Variants in SH3TC2 observed in about 807,000 individuals in gnomAD.
The protein encoded by SH3TC2 is SH3 domain and tetratricopeptide repeat-containing protein 2.
A neutral mutation model predicts 124.5 loss-of-function variants in SH3TC2; 87 were observed. The ratio of observed to expected loss-of-function variants is 0.70; its 90% CI spans 0.59 to 0.84. SH3TC2 has a LOEUF of 0.84. SH3TC2 is among the 40% of genes least tolerant of loss of function. SH3TC2 has a pLI of 0.00. For synonymous variants in SH3TC2, 634 were observed against 628.5 expected, an observed-to-expected ratio of 1.01 and a Z score of -0.13; for missense variants, 1,536 against 1,566.4, an observed-to-expected ratio of 0.98 and a Z score of 0.33.
In SH3TC2 at chr5:149,041,419, T is replaced by C. The variant is rs1410503968; in HGVS notation, c.728A>G (p.His243Arg). 6.2e-7 allele frequency: 1 copy of C among 1,612,484 alleles called. No individual in the cohort carries two copies. Among genetic ancestry groups the C allele is most frequent in the Non-Finnish European group, 8.5e-7 (1 of 1,179,956 alleles). Residue 243 changes from histidine (H) to arginine (R), a missense_variant, in exon 6 of 17, where the codon CAC (histidine) becomes CGC (arginine). Physicochemically the swap from His to Arg is conservative, Grantham distance 29. Transcript: ENST00000515425. ...CAGGAGGCAGATGGCTACTCACTGG[T>C]GGAAAGGGAGAGGCAGAGGCTCCAA... ...SALEPLPLPF[H>R]QWFLKNYPGS...
At chr5:149,013,024 T>C (rs1478189444) in intron 12 of SH3TC2, among the ~76,000 whole-genome samples, 2 of 152,180 alleles carry the variant, frequency 1.3e-5, no homozygotes, top group East Asian at 1.9e-4. Context: ...CTTAGAACAG[T>C]GCCTATTACG....
At chr5:149,034,613 C>T (rs1016132752) in intron 8 of SH3TC2, 1 of 222,730 alleles carries the variant, frequency 4.5e-6, no homozygotes, top group Non-Finnish European at 9.3e-6. Flanking sequence ...TTCTCCTACG[C>T]CTCCTTTCTT....
intron 2 of SH3TC2, among the ~76,000 whole-genome samples, chr5:149,050,584 T>C (rs189717040): frequency 1.1e-4 from 17 of 152,240 alleles, no homozygotes; most frequent in Non-Finnish European, 1.6e-4. Flanking sequence ...TAATTCAGGT[T>C]TTTTCAGGGG....
intron 12 of SH3TC2, chr5:149,026,256 C>T: frequency 2.7e-6 from 1 of 372,592 alleles, no homozygotes; most frequent in Non-Finnish European, 5.0e-6. Flanking sequence ...TGAGACCTAT[C>T]TATGTATCAG....
intron 9 of SH3TC2, among the ~76,000 whole-genome samples, 173 bp from the exon 10 acceptor site, chr5:149,028,891 A>G (rs1027828227): frequency 1.4e-4 from 21 of 152,070 alleles, no homozygotes; most frequent in Admixed American, 7.2e-4. Context: ...TAAGAGCTGT[A>G]GGGGCCTAAT....
rs1239627881 is a variant in SH3TC2, at chr5:148,995,977, C to T, written c.*8734G>A. Among the ~76,000 whole-genome samples the T allele has an allele frequency of 2.0e-5, 3 of 151,970 alleles. No homozygotes were observed. The highest frequency in any genetic ancestry group is 2.0e-4 in the Admixed American group (3 of 15,244). ...GACCAACTGGCCGGGTGCCATGGCT[C>T]ACACCTGTTACCCCAGCACTTTGGA... On this transcript the variant is annotated 3_prime_UTR_variant, in exon 17 of 17. Coordinates refer to ENST00000515425, the MANE Select transcript of SH3TC2 (RefSeq NM_024577.4).
At position 149,012,716 on chromosome 5, in the gene SH3TC2, G is replaced by A. The variant is rs1753805247; in HGVS notation, c.3072C>T (p.Leu1024=). 6.2e-7 allele frequency: 1 copy of A among 1,614,118 alleles called. No individual in the cohort carries two copies. The highest frequency in any genetic ancestry group is 8.5e-7 in the Non-Finnish European group (1 of 1,180,024). The change falls in exon 13 of 17, where the codon CTC becomes CTT. Residue 1024 remains leucine, a synonymous_variant. Transcript: ENST00000515425. The part of the protein sequence containing the change: ...LNTARSLRRS[L]TCIKESLRIF... The stretch of plus-strand genomic sequence containing the variant: ...TACGCAGGCTCTCCTTGATGCATGT[G>A]AGTGACCTCCTGAGGGACCTGGGGA...
At position 149,001,588 on chromosome 5, in the gene SH3TC2, CA is replaced by C. The variant is rs1339230612; in HGVS notation, c.*3122del. The C allele has an allele frequency of 1.3e-5, 2 of 152,100 alleles. No individual in the cohort carries two copies. Among genetic ancestry groups the C allele is most frequent in the Admixed American group, 6.5e-5 (1 of 15,284 alleles). 9.4% of individuals were successfully genotyped at this position (152,100 alleles called of 1,614,324 possible). On this transcript the variant is annotated 3_prime_UTR_variant, in exon 17 of 17. Coordinates refer to ENST00000515425, the MANE Select transcript of SH3TC2 (RefSeq NM_024577.4). Reference sequence around the variant, plus strand: ...CAAAGGGAATAGCTGGCCCACATTTCAAAAATGAAAATTTTAAACACTTTTT... The same window carrying C: ...CAAAGGGAATAGCTGGCCCACATTTCAAAATGAAAATTTTAAACACTTTTT...
chr5:149,046,250 G>A (rs1580913257), intron 3 of SH3TC2: 1 of 153,582 alleles, frequency 6.5e-6, no homozygotes, highest in Admixed American at 6.5e-5. Flanking sequence ...ATTAGGGAAG[G>A]GGTGCTAGGT....
intron 8 of SH3TC2, among the ~76,000 whole-genome samples, chr5:149,036,552 A>G (rs1402850453): frequency 6.6e-6 from 1 of 152,054 alleles, no homozygotes; most frequent in Admixed American, 6.5e-5. Flanking sequence ...ATTGGATTTC[A>G]TGTCAGGATT....
chr5:149,049,283 T>A (rs575286849), intron 2 of SH3TC2, among the ~76,000 whole-genome samples: 1 of 152,190 alleles, frequency 6.6e-6, no homozygotes, highest in South Asian at 2.1e-4. Context: ...GGTAGCCTCA[T>A]GGCATGCTGA....
In SH3TC2 at chr5:149,025,250, A is replaced by G. The variant is rs74761192; in HGVS notation, c.3053+1322T>C. On this transcript the variant is annotated intron_variant, in intron 12 of 16. Coordinates refer to ENST00000515425, the MANE Select transcript of SH3TC2 (RefSeq NM_024577.4). The stretch of plus-strand genomic sequence containing the variant: ...CCCTGGGACTGAAGGCAAAGACAGC[A>G]GGAGGTTTGGAGGACACCTGATTCT... Among the ~76,000 whole-genome samples the G allele has an allele frequency of 1.5e-4, 23 of 152,284 alleles. No homozygotes were observed. In the East Asian group the frequency reaches 4.4e-3, roughly 29 times the overall value.
chr5:149,011,519 C>G (rs1258292245), intron 13 of SH3TC2, among the ~76,000 whole-genome samples: 3 of 152,224 alleles, frequency 2.0e-5, no homozygotes, highest in African/African-American at 7.2e-5. Context: ...TCAGCTCCAC[C>G]ACTTACCAGT....
intron 12 of SH3TC2, among the ~76,000 whole-genome samples, chr5:149,015,958 C>T (rs532398900): frequency 6.6e-6 from 1 of 152,308 alleles, no homozygotes; most frequent in Admixed American, 6.5e-5. Flanking sequence ...ATAAAGAAAT[C>T]CAGTAGGATG....
rs1173462840 is a variant in SH3TC2, at chr5:148,996,602, T to G, written c.*8109A>C. Among the ~76,000 whole-genome samples, 6 of 152,216 alleles carry G rather than the reference T, an allele frequency of 3.9e-5. No homozygotes were observed. Among genetic ancestry groups the G allele is most frequent in the African/African-American group, 1.4e-4 (6 of 41,460 alleles). Reference sequence around the variant, plus strand: ...GCTCCCCTGAGGAGGAAAGCAGATGTAGCCATTGTCACTGCTTGCTGTCTG... The same window carrying G: ...GCTCCCCTGAGGAGGAAAGCAGATGGAGCCATTGTCACTGCTTGCTGTCTG... On this transcript the variant is annotated 3_prime_UTR_variant, in exon 17 of 17. Coordinates refer to ENST00000515425, the MANE Select transcript of SH3TC2 (RefSeq NM_024577.4).
Position 149,027,958 on chromosome 5 carries a change from A to G in SH3TC2, c.1774T>C (p.Leu592=). 6.2e-7 allele frequency: 1 copy of G among 1,614,152 alleles called. No individual in the cohort carries two copies. Among genetic ancestry groups the G allele is most frequent in the Non-Finnish European group, 8.5e-7 (1 of 1,180,038 alleles). ...GCCAGCAGGGCACCTGCCTTTTCCAACAGGGCGGAGCCTTTATGTCTCAGC... is the reference window on the plus strand; with the variant it reads ...GCCAGCAGGGCACCTGCCTTTTCCAGCAGGGCGGAGCCTTTATGTCTCAGC... The part of the protein sequence containing the change: ...QRLRHKGSAL[L]EKAGALLACL... The change falls in exon 11 of 17, where the codon TTG becomes CTG. Residue 592 remains leucine (L), a synonymous_variant. Coordinates refer to ENST00000515425, the MANE Select transcript of SH3TC2 (RefSeq NM_024577.4).
chr5:149,048,055 T>C, intron 2 of SH3TC2, 66 bp from the exon 3 acceptor site: 1 of 1,601,828 alleles, frequency 6.2e-7, no homozygotes. Flanking sequence ...AGAGTTAGAT[T>C]AGCCCACAGT....
intron 16 of SH3TC2, among the ~76,000 whole-genome samples, chr5:149,005,935 C>G (rs1166041599): frequency 1.3e-5 from 2 of 152,112 alleles, no homozygotes; most frequent in Non-Finnish European, 2.9e-5. Context: ...CAGAGATTTG[C>G]AACCAACACA....
At chr5:149,025,882 T>C (rs1357656787) in intron 12 of SH3TC2, 3 of 152,402 alleles carry the variant, frequency 2.0e-5, no homozygotes, top group African/African-American at 7.2e-5. Flanking sequence ...GTTACATCAT[T>C]TTGTCAGCAC....
Sources: allele counts gnomAD v4.1 joint callset (sites outside exome capture counted in the v4.1 genomes callset), GRCh38; gene constraint gnomAD v4.1.1; transcripts MANE v1.5; gene names NCBI Gene and HGNC (gene_info 2026-07-23, HGNC 2026-07-21).